The following PTPRS variants were observed in gnomAD, a reference collection of about 807,000 sequenced individuals.
PTPRS encodes the protein protein tyrosine phosphatase receptor type S, also known as receptor-type tyrosine-protein phosphatase S.
A neutral mutation model predicts 215.3 loss-of-function variants in PTPRS; 63 were observed. The observed-to-expected ratio is 0.29, with a 90% CI of 0.24 to 0.36. PTPRS has a LOEUF of 0.36. Among genes scored for constraint, PTPRS ranks in the 10% least tolerant of loss-of-function variants. The probability of loss-of-function intolerance (pLI) is 1.00; values close to 1 mark genes in which losing one functional copy is unlikely to be tolerated. For synonymous variants in PTPRS, 1,404 were observed against 1,191.4 expected (o/e 1.18, Z -3.68); for missense variants, 2,258 against 2,825.8 (o/e 0.80, Z 4.56).
chr19:5,267,520 G>A (rs1362148559), intron 4 of PTPRS, among the ~76,000 whole-genome samples: 1 of 152,028 alleles, frequency 6.6e-6, no homozygotes, highest in African/African-American at 2.4e-5. Flanking sequence ...AGCCAGGCAT[G>A]GTGGCGGACG....
intron 9 of PTPRS, among the ~76,000 whole-genome samples, chr19:5,252,197 G>T (rs895901525): frequency 1.2e-4 from 18 of 152,148 alleles, no homozygotes; most frequent in African/African-American, 4.3e-4. Flanking sequence ...TCTTAGCTTA[G>T]CACTCAAGAC....
At chr19:5,286,305 G>A in intron 1 of PTPRS, 71 bp from the exon 2 acceptor site, 1 of 721,850 alleles carries the variant, frequency 1.4e-6, no homozygotes, top group Admixed American at 2.2e-5. Context: ...GGAGGCAGAG[G>A]GAGGGTCACA....
At chr19:5,269,187 C>T (rs767722909) in intron 4 of PTPRS, among the ~76,000 whole-genome samples, 7 of 152,064 alleles carry the variant, frequency 4.6e-5, no homozygotes, top group African/African-American at 1.4e-4. Flanking sequence ...CACGCTTGCC[C>T]GTGCCCACGT....
rs2040364275 is a variant in PTPRS, at chr19:5,206,318, TG to T, written c.*455del. 4.3e-6 allele frequency: 1 copy of T among 230,970 alleles called. No homozygotes were observed. Among genetic ancestry groups the T allele is most frequent in the Non-Finnish European group, 8.5e-6 (1 of 117,224 alleles). The allele number at this position is 230,970 out of a possible 1,614,324, so 14.3% of individuals were successfully genotyped here. A position where few individuals can be genotyped will look rare whatever the true frequency, so the allele number is the denominator to read the frequency against. On this transcript the variant is annotated 3_prime_UTR_variant, in exon 38 of 38. Transcript: ENST00000262963. Reference sequence around the variant, plus strand: ...GAAATGTCACGGGATACAGTTACACTGAGAGTTTTAAAAGAAAGCTGGATTC... The same window carrying T: ...GAAATGTCACGGGATACAGTTACACTAGAGTTTTAAAAGAAAGCTGGATTC...
In PTPRS at chr19:5,338,561, T is replaced by G. The variant is rs2050581786; in HGVS notation, c.-95+2103A>C. The stretch of plus-strand genomic sequence containing the variant: ...GGTGGGGACTCAGTCAGGCCCAAGC[T>G]GGGGGGCTGTGGGATTTGAGGGCGG... On this transcript the variant is annotated intron_variant, in intron 1 of 37. Coordinates refer to ENST00000262963, the MANE Select transcript of PTPRS (RefSeq NM_002850.4). This position sits in a 1 kb window ranked among gnomAD's most constrained non-coding sequence, Gnocchi z 4.2. Among the ~76,000 whole-genome samples, 1 of 151,810 alleles carries G rather than the reference T, an allele frequency of 6.6e-6. No individual in the cohort carries two copies. The highest frequency in any genetic ancestry group is 6.6e-5 in the Admixed American group (1 of 15,250).
chr19:5,333,982 T>G (rs1445276013), intron 1 of PTPRS, among the ~76,000 whole-genome samples: 13 of 134,796 alleles, frequency 9.6e-5, no homozygotes, highest in East Asian at 2.6e-4. Context: ...CTCCCCCCTT[T>G]GGTGATCACT....
chr19:5,317,333 G>T (rs150956433), intron 1 of PTPRS, among the ~76,000 whole-genome samples: 6 of 152,154 alleles, frequency 3.9e-5, no homozygotes, highest in African/African-American at 1.2e-4. Flanking sequence ...TTAGCCAGGC[G>T]TGGTGGCACG....
rs940101082 is a variant in PTPRS at position 5,287,986 on chromosome 19, A to ACACG, written c.-94-1753_-94-1752insCGTG. On this transcript the variant is annotated intron_variant, in intron 1 of 37. Coordinates refer to ENST00000262963, the MANE Select transcript of PTPRS (RefSeq NM_002850.4). This position sits in a 1 kb window ranked among gnomAD's most constrained non-coding sequence, Gnocchi z 4.8. Reference sequence around the variant, plus strand: ...CGGGCACACACACACACACACACACACACACACACACACACACACACACAA... The same window carrying ACACG: ...CGGGCACACACACACACACACACACACACGCACACACACACACACACACACACAA... Among the ~76,000 whole-genome samples the ACACG allele has an allele frequency of 6.6e-6, 1 of 151,394 alleles. No homozygotes were observed. The highest frequency in any genetic ancestry group is 2.4e-5 in the African/African-American group (1 of 41,174).
intron 2 of PTPRS, among the ~76,000 whole-genome samples, chr19:5,276,292 G>A (rs866656686): frequency 4.6e-5 from 7 of 152,152 alleles, no homozygotes; most frequent in Non-Finnish European, 7.4e-5. Flanking sequence ...GTGCCATCTC[G>A]GCTCAATGCA....
At chr19:5,280,193 A>G (rs2047729159) in intron 2 of PTPRS, among the ~76,000 whole-genome samples, 1 of 152,224 alleles carries the variant, frequency 6.6e-6, no homozygotes, top group Non-Finnish European at 1.5e-5. Flanking sequence ...GTTGACCAGA[A>G]AAGTTCTGGA....
At chr19:5,209,176 T>A (rs1473529905) in intron 35 of PTPRS, among the ~76,000 whole-genome samples, 1 of 152,222 alleles carries the variant, frequency 6.6e-6, no homozygotes, top group African/African-American at 2.4e-5. Flanking sequence ...CATTCAGTGA[T>A]GGCATCTTCC....
At chr19:5,264,758 A>C (rs904417293) in intron 5 of PTPRS, among the ~76,000 whole-genome samples, 4 of 152,130 alleles carry the variant, frequency 2.6e-5, no homozygotes, top group African/African-American at 9.7e-5. Context: ...TTCATTGGCC[A>C]GGTGTTGAAG....
intron 1 of PTPRS, chr19:5,292,935 G>A (rs1483250544): frequency 6.6e-6 from 1 of 152,286 alleles, no homozygotes; most frequent in East Asian, 1.9e-4. Context: ...GTTTTCCAAA[G>A]TGCAAGCGAC....
chr19:5,239,253 GGA>G (rs1401288111), intron 12 of PTPRS, among the ~76,000 whole-genome samples, 190 bp from the exon 13 acceptor site: 4 of 151,420 alleles, frequency 2.6e-5, no homozygotes, highest in African/African-American at 7.3e-5. Flanking sequence ...GAGGTAGAGG[GGA>G]GAGAGAGGTA....
intron 9 of PTPRS, among the ~76,000 whole-genome samples, chr19:5,255,552 T>G (rs777298482): frequency 1.3e-4 from 18 of 133,722 alleles, no homozygotes; most frequent in South Asian, 2.3e-4. Flanking sequence ...TTTGATTTTT[T>G]CCCCCCAAAA....
intron 2 of PTPRS, among the ~76,000 whole-genome samples, chr19:5,276,089 A>G (rs1283382690): frequency 6.6e-6 from 1 of 152,248 alleles, no homozygotes; most frequent in Non-Finnish European, 1.5e-5. Flanking sequence ...CTGGACATGC[A>G]CAGCCAGGCG....
rs760549393 is a variant in PTPRS, at chr19:5,238,946, C to T, written c.1822G>A (p.Val608Met). Residue 608 changes from valine (V) to methionine (M), a missense_variant, in exon 13 of 38, where the codon GTG becomes ATG. Val to Met is a conservative substitution (Grantham distance 21). Around this residue, in one of 6 missense-constraint regions of PTPRS, gnomAD observed 371 missense variants for 446.7 expected, o/e 0.83. Transcript: ENST00000262963. ...SPQGLGAFTP[V>M]VRQRTLQSKP... ...GACTGCAGCGTGCGCTGCCGCACCACGGGGGTGAAGGCGCCCAGGCCCTGC... is the reference window on the plus strand; with the variant it reads ...GACTGCAGCGTGCGCTGCCGCACCATGGGGGTGAAGGCGCCCAGGCCCTGC... The T allele has an allele frequency of 1.2e-5, 20 of 1,610,402 alleles. No individual in the cohort carries two copies. Among genetic ancestry groups the T allele is most frequent in the African/African-American group, 8.0e-5 (6 of 74,718 alleles).
rs2046162239 is a variant in PTPRS at position 5,263,406 on chromosome 19, A to G, written c.569-434T>C. On this transcript the variant is annotated intron_variant, in intron 5 of 37. Transcript: ENST00000262963. ...ACTAAGGAGGAGGAGCAGAAAGCGG[A>G]GAACAGGTAGGTAGGCTCTTTGGTG... 2.0e-5 allele frequency among the ~76,000 whole-genome samples: 3 copies of G among 152,162 alleles called. No homozygotes were observed. In the Middle Eastern group the frequency reaches 0.01, roughly 521 times the overall value.
At chr19:5,277,958 G>T in intron 2 of PTPRS, 1 of 1,498,410 alleles carries the variant, frequency 6.7e-7, no homozygotes, top group South Asian at 1.1e-5. Context: ...GTGGCTTCCG[G>T]AAGTTCCTGG....
Sources: gnomAD v4.1 joint callset for allele counts (sites outside exome capture counted in the v4.1 genomes callset) on GRCh38, gnomAD v4.1.1 for gene constraint, gnomAD v4.1.1 regional missense constraint, Gnocchi (gnomAD v3.1) non-coding constraint, MANE v1.5 for transcripts, NCBI Gene and HGNC (gene_info 2026-07-23, HGNC 2026-07-21) for gene names.